PATJ: variants seen among roughly 807,000 people sequenced by gnomAD.
The protein encoded by PATJ is PATJ crumbs cell polarity complex component, also known as inaD-like protein.
In PATJ, 190 loss-of-function variants were observed where a neutral mutation model predicts 224.9. The ratio of observed to expected loss-of-function variants is 0.84; its 90% CI spans 0.75 to 0.95. PATJ has a LOEUF of 0.95. Among genes scored for constraint, PATJ ranks in the 40% least tolerant of loss-of-function variants. PATJ has a pLI of 0.00. For synonymous variants in PATJ, 769 were observed against 820.3 expected (o/e 0.94, Z 1.07); for missense variants, 2,121 against 2,270.3 (o/e 0.93, Z 1.34).
At chr1:62,114,327 A>AGCTC in intron 35 of PATJ, 81 bp downstream of exon 35, 1 of 1,211,098 alleles carries the variant, frequency 8.3e-7, no homozygotes, top group Non-Finnish European at 1.2e-6. Flanking sequence ...GAGAAAGCCT[A>AGCTC]ATGTAAAGTA....
chr1:61,759,869 T>A (rs1206665910), intron 1 of PATJ, among the ~76,000 whole-genome samples: 1 of 152,234 alleles, frequency 6.6e-6, no homozygotes, highest in Non-Finnish European at 1.5e-5. Flanking sequence ...AGTGTCAGTA[T>A]ACATTGTGTA....
intron 31 of PATJ, among the ~76,000 whole-genome samples, chr1:62,071,156 TC>T: frequency 6.6e-6 from 1 of 152,274 alleles, no homozygotes; most frequent in East Asian, 1.9e-4. Context: ...AAAAATTGCC[TC>T]CAGCATTTCC....
chr1:61,828,402 T>TTTG (rs1491466631), intron 16 of PATJ, among the ~76,000 whole-genome samples: 1 of 13,884 alleles, frequency 7.2e-5, no homozygotes, highest in African/African-American at 1.2e-4. Flanking sequence ...ATGAAAAGAG[T>TTTG]TTTTTTTTTT....
At chr1:62,077,046 C>A (rs1295968136) in intron 31 of PATJ, among the ~76,000 whole-genome samples, 2 of 152,124 alleles carry the variant, frequency 1.3e-5, no homozygotes. Flanking sequence ...ACTCTACCAC[C>A]CTCAAATGGT....
chr1:61,990,273 GATCACGCATGAGCATATTT>G lies in PATJ; in HGVS notation c.3777_3795del (p.Ser1260TrpfsTer23). 6.2e-7 allele frequency: 1 copy of G among 1,614,016 alleles called. No homozygotes were observed. The highest frequency in any genetic ancestry group is 8.5e-7 in the Non-Finnish European group (1 of 1,179,918). On this transcript the variant is annotated frameshift_variant, in exon 28 of 44. Coordinates refer to ENST00000642238, the MANE Select transcript of PATJ (RefSeq NM_001350145.3). LOFTEE classifies it high-confidence loss of function. ...CTCAGCCTTGCTGGTAATAAAGACC[GATCACGCATGAGCATATTT>G]GTGGTGGGAATTAACCCGGAAGGAC...
chr1:62,038,283 A>G (rs6682768), intron 30 of PATJ, among the ~76,000 whole-genome samples: 1,825 of 152,314 alleles, frequency 0.012, 17 homozygotes, highest in Middle Eastern at 0.048. Context: ...TCTCCTCTAA[A>G]TATATAATTT....
At chr1:62,029,232 G>C (rs56945957) in intron 29 of PATJ, among the ~76,000 whole-genome samples, 2,838 of 152,254 alleles carry the variant, frequency 0.019, 47 homozygotes, top group African/African-American at 0.041. Context: ...TTTTAGAAGA[G>C]GCAGAAATGC....
chr1:61,850,996 C>A (rs1662727340), intron 17 of PATJ, among the ~76,000 whole-genome samples: 3 of 152,174 alleles, frequency 2.0e-5, no homozygotes. Context: ...GATAGTCATT[C>A]AACATTTTAA....
Position 62,137,296 on chromosome 1 carries a change from A to G in PATJ, c.5271+8351A>G, listed in dbSNP as rs1233162936. 2.7e-5 allele frequency among the ~76,000 whole-genome samples: 4 copies of G among 150,174 alleles called. No homozygotes were observed. The East Asian group carries it at 8.0e-4, about 30-fold the overall frequency. On this transcript the variant is annotated intron_variant, in intron 41 of 43. Coordinates refer to ENST00000642238, the MANE Select transcript of PATJ (RefSeq NM_001350145.3). Reference sequence around the variant, plus strand: ...TGGGGAAGGTGGCACAAATTAAGGAAATTCACATCAGAGGGAGAACCCTGT... The same window carrying G: ...TGGGGAAGGTGGCACAAATTAAGGAGATTCACATCAGAGGGAGAACCCTGT...
chr1:61,987,072 A>T (rs923805206), intron 27 of PATJ, among the ~76,000 whole-genome samples: 4 of 151,938 alleles, frequency 2.6e-5, no homozygotes, highest in Admixed American at 6.6e-5. Context: ...TCAATTGTGA[A>T]TACTGTGTTT....
In PATJ at chr1:61,999,794, C is replaced by G. The variant is rs577211077; in HGVS notation, c.3867+9430C>G. ...CTGATAGGTGAAAGTTTTGTCATTACAGAAAGTTTTTCACACATATACATA... is the reference window on the plus strand; with the variant it reads ...CTGATAGGTGAAAGTTTTGTCATTAGAGAAAGTTTTTCACACATATACATA... On this transcript the variant is annotated intron_variant, in intron 28 of 43. Transcript: ENST00000642238. 6.8e-4 allele frequency among the ~76,000 whole-genome samples: 103 copies of G among 152,290 alleles called. 1 individual carries two copies. Among genetic ancestry groups the G allele is most frequent in the South Asian group, 4.1e-4 (2 of 4,822 alleles).
intron 28 of PATJ, among the ~76,000 whole-genome samples, chr1:62,011,262 A>G (rs1306400679): frequency 6.6e-6 from 1 of 152,210 alleles, no homozygotes; most frequent in Non-Finnish European, 1.5e-5. Flanking sequence ...TCAGCTTTTG[A>G]CATGCCTTCC....
chr1:61,900,664 A>G (rs915098593), intron 23 of PATJ, among the ~76,000 whole-genome samples: 3 of 151,824 alleles, frequency 2.0e-5, no homozygotes, highest in African/African-American at 7.3e-5. Flanking sequence ...ATCTCGGCTC[A>G]CTGCAAGCTC....
chr1:62,116,312 G>A (rs1042242512), intron 35 of PATJ, among the ~76,000 whole-genome samples: 74 of 152,178 alleles, frequency 4.9e-4, no homozygotes, highest in Non-Finnish European at 4.9e-4. Flanking sequence ...ACTGGTAAGT[G>A]AAATTATGAA....
At chr1:61,753,634 C>T (rs1424472058) in intron 1 of PATJ, among the ~76,000 whole-genome samples, 3 of 151,774 alleles carry the variant, frequency 2.0e-5, no homozygotes, top group Non-Finnish European at 4.4e-5. Flanking sequence ...CTCAGCCTCC[C>T]GAGTAGCTGG....
Position 61,884,276 on chromosome 1 carries a change from T to C in PATJ, c.2999T>C (p.Ile1000Thr), listed in dbSNP as rs1413817211. The C allele has an allele frequency of 2.5e-6, 4 of 1,613,454 alleles. No homozygotes were observed. The highest frequency in any genetic ancestry group is 1.1e-5 in the South Asian group (1 of 90,932). The change falls in exon 22 of 44, where the codon ATT (isoleucine) becomes ACT (threonine). Residue 1000 changes from isoleucine to threonine, a missense_variant. Transcript: ENST00000642238. ...PNDVQGPSLL[I>T]DLPVVAQRRE... ...GATGTCCAAGGTCCTAGCTTGCTCA[T>C]TGACCTTCCTGTTGTGGCTCAAAGG...
chr1:61,862,190 A>AGTT (rs398069480), intron 19 of PATJ, among the ~76,000 whole-genome samples: 1 of 150,978 alleles, frequency 6.6e-6, no homozygotes, highest in Non-Finnish European at 1.5e-5. Context: ...ATATATATAT[A>AGTT]GTTGTTGTTG....
chr1:62,010,343 G>A (rs1488482201), intron 28 of PATJ, among the ~76,000 whole-genome samples: 1 of 142,766 alleles, frequency 7.0e-6, no homozygotes, highest in East Asian at 2.0e-4. Flanking sequence ...TTTTTTTTTT[G>A]TAGCCACATT....
intron 6 of PATJ, among the ~76,000 whole-genome samples, chr1:61,772,818 T>G (rs1479873939): frequency 6.6e-6 from 1 of 152,150 alleles, no homozygotes. Flanking sequence ...CATATCTTCC[T>G]TTGAAGATAT....
Sources: allele counts gnomAD v4.1 joint callset (sites outside exome capture counted in the v4.1 genomes callset), GRCh38; gene constraint gnomAD v4.1.1; transcripts MANE v1.5; gene names NCBI Gene and HGNC (gene_info 2026-07-23, HGNC 2026-07-21).